Variants in SH3D19 observed in about 807,000 individuals in gnomAD.
SH3D19 encodes the protein SH3 domain-containing protein 19.
In SH3D19, 58 loss-of-function variants were observed where a neutral mutation model predicts 112.1. That is an observed-to-expected ratio of 0.52 (90% confidence interval 0.42 to 0.64). The LOEUF (loss-of-function observed/expected upper bound fraction) is 0.64. Ranked by LOEUF, SH3D19 falls within the 30% of genes least tolerant of loss-of-function variation. The pLI, the probability that SH3D19 is intolerant of heterozygous loss-of-function variation, is 0.00. For missense variants in SH3D19, 1,090 were observed against 1,263.4 expected (o/e 0.86, Z 2.08); for synonymous variants, 391 against 448.5 (o/e 0.87, Z 1.62).
At position 151,283,100 on chromosome 4, in the gene SH3D19, C is replaced by T. The variant is rs1244522013; in HGVS notation, c.112+42141G>A. The T allele has an allele frequency of 1.9e-6, 3 of 1,611,926 alleles. No homozygotes were observed. In the South Asian group the frequency reaches 3.3e-5, roughly 18 times the overall value. On this transcript the variant is annotated intron_variant, in intron 1 of 19. Transcript: ENST00000604030. ...TTCTAGGTTGCTTTAATCTTTTGTTCCTGTCTTCCTCCACAGATAGAGATT... is the reference window on the plus strand; with the variant it reads ...TTCTAGGTTGCTTTAATCTTTTGTTTCTGTCTTCCTCCACAGATAGAGATT...
chr4:151,164,579 T>G (rs932226743), intron 8 of SH3D19, among the ~76,000 whole-genome samples: 1 of 151,430 alleles, frequency 6.6e-6, no homozygotes, highest in Non-Finnish European at 1.5e-5. Context: ...AACGTTACAC[T>G]AATTTTTTTT....
intron 1 of SH3D19, among the ~76,000 whole-genome samples, chr4:151,250,303 T>C (rs12505382): frequency 0.33 from 49,914 of 152,120 alleles, 9,511 homozygotes; most frequent in Non-Finnish European, 0.44. Context: ...GCAGCTATTT[T>C]AAAGAACAGT....
At chr4:151,162,830 C>T (rs1757391604) in intron 8 of SH3D19, among the ~76,000 whole-genome samples, 1 of 152,170 alleles carries the variant, frequency 6.6e-6, no homozygotes, top group South Asian at 2.1e-4. Context: ...TTGCCTCTGC[C>T]TCCCAAAGTG....
chr4:151,191,059 A>T (rs1762542827), intron 2 of SH3D19, among the ~76,000 whole-genome samples: 1 of 152,104 alleles, frequency 6.6e-6, no homozygotes, highest in South Asian at 2.1e-4. Flanking sequence ...GTCAAAGTAG[A>T]TCGTTTTGGA....
chr4:151,233,011 C>T (rs915548288), intron 1 of SH3D19, among the ~76,000 whole-genome samples: 4 of 152,110 alleles, frequency 2.6e-5, no homozygotes, highest in Admixed American at 1.3e-4. Flanking sequence ...AGAATTTCTG[C>T]CTGAGCTCTG....
intron 1 of SH3D19, among the ~76,000 whole-genome samples, chr4:151,279,462 C>T (rs1212692874): frequency 2.0e-5 from 3 of 152,158 alleles, no homozygotes; most frequent in African/African-American, 7.2e-5. Context: ...AAATTTTGGC[C>T]TTTAACACCA....
chr4:151,175,736 A>C, intron 6 of SH3D19, 62 bp from the exon 7 acceptor site: 3 of 1,229,938 alleles, frequency 2.4e-6, no homozygotes, highest in Non-Finnish European at 3.0e-6. Context: ...ACAATGTATA[A>C]GGAAAAAAAT....
intron 17 of SH3D19, among the ~76,000 whole-genome samples, chr4:151,130,849 G>T (rs1341246315): frequency 2.0e-5 from 3 of 151,774 alleles, no homozygotes; most frequent in Non-Finnish European, 1.5e-5. Flanking sequence ...GTTGAGTCAG[G>T]AGAATCACTT....
intron 1 of SH3D19, chr4:151,291,301 T>C (rs956492521): frequency 6.2e-7 from 1 of 1,614,008 alleles, no homozygotes; most frequent in South Asian, 1.1e-5. Flanking sequence ...TGACTTCTTG[T>C]TCCCTATTGT....
intron 9 of SH3D19, among the ~76,000 whole-genome samples, chr4:151,153,155 A>T (rs752078572): frequency 2.6e-5 from 4 of 152,112 alleles, no homozygotes; most frequent in Middle Eastern, 3.4e-3. Flanking sequence ...TTAAAAAAAC[A>T]GGTATTTCTC....
chr4:151,296,420 G>A (rs957388729), intron 1 of SH3D19, among the ~76,000 whole-genome samples: 1 of 152,162 alleles, frequency 6.6e-6, no homozygotes, highest in African/African-American at 2.4e-5. Flanking sequence ...ACATTTGTGT[G>A]GGGGAGGGAG....
At chr4:151,185,270 CA>C (rs1251497148) in intron 3 of SH3D19, among the ~76,000 whole-genome samples, 2 of 152,006 alleles carry the variant, frequency 1.3e-5, no homozygotes, top group African/African-American at 4.8e-5. Context: ...CCTTTCACAG[CA>C]GGGCTGGGTT....
chr4:151,146,458 T>A (rs948286810), intron 11 of SH3D19, among the ~76,000 whole-genome samples: 3 of 151,884 alleles, frequency 2.0e-5, no homozygotes. Context: ...GGCCTCCTTA[T>A]CATTTTTATT....
At chr4:151,305,568 C>T (rs983042529) in intron 1 of SH3D19, among the ~76,000 whole-genome samples, 1 of 152,180 alleles carries the variant, frequency 6.6e-6, no homozygotes, top group Non-Finnish European at 1.5e-5. Context: ...TGGTCAATAT[C>T]ATTAGCCAAA....
chr4:151,227,298 A>G (rs1769160919), intron 1 of SH3D19, among the ~76,000 whole-genome samples: 1 of 152,250 alleles, frequency 6.6e-6, no homozygotes, highest in Non-Finnish European at 1.5e-5. Context: ...CGTATGTAAC[A>G]ATTCTTTCTG....
At chr4:151,247,857 T>A (rs745565817) in intron 1 of SH3D19, among the ~76,000 whole-genome samples, 104 of 152,234 alleles carry the variant, frequency 6.8e-4, no homozygotes, top group Non-Finnish European at 1.4e-3. Flanking sequence ...GCACAAATAG[T>A]ATAATTTTCT....
At chr4:151,244,199 A>AAACAACAACAAC (rs55872637) in intron 1 of SH3D19, among the ~76,000 whole-genome samples, 35 of 151,094 alleles carry the variant, frequency 2.3e-4, no homozygotes, top group South Asian at 6.3e-4. Flanking sequence ...CCCACATCTC[A>AAACAACAACAAC]AACAACAACA....
chr4:151,293,554 C>T (rs1775505435), intron 1 of SH3D19, among the ~76,000 whole-genome samples: 1 of 152,206 alleles, frequency 6.6e-6, no homozygotes, highest in Non-Finnish European at 1.5e-5. Context: ...TTAGTAGCAT[C>T]TGGATTGCCA....
intron 1 of SH3D19, among the ~76,000 whole-genome samples, chr4:151,254,736 C>A (rs1032337734): frequency 6.6e-6 from 1 of 150,638 alleles, no homozygotes; most frequent in Non-Finnish European, 1.5e-5. Flanking sequence ...TACACAGACA[C>A]GGCAACCATC....
Sources: allele counts gnomAD v4.1 joint callset (sites outside exome capture counted in the v4.1 genomes callset), GRCh38; gene constraint gnomAD v4.1.1; transcripts MANE v1.5; gene names NCBI Gene and HGNC (gene_info 2026-07-23, HGNC 2026-07-21).